Variants in TAF1 observed in about 807,000 individuals in gnomAD.
The protein encoded by TAF1 is transcription initiation factor TFIID subunit 1.
Under a neutral mutation model 138.5 loss-of-function variants are expected in TAF1, and 2 were observed. That is an observed-to-expected ratio of 0.01 (90% confidence interval 0.01 to 0.05). The LOEUF (loss-of-function observed/expected upper bound fraction) is 0.05, where lower values mean the gene tolerates loss of function less well. Ranked by LOEUF, TAF1 falls within the 10% of genes least tolerant of loss-of-function variation. TAF1 has a pLI of 1.00. For missense variants in TAF1, 709 were observed against 1,478.0 expected, an observed-to-expected ratio of 0.48 and a Z score of 8.53; for synonymous variants, 437 against 503.2, an observed-to-expected ratio of 0.87 and a Z score of 1.76.
chrX:71,490,731 CTTTTT>C (rs756329313), intron 13 of TAF1, among the ~76,000 whole-genome samples: 1 of 95,807 alleles, frequency 1.0e-5, no homozygotes. Flanking sequence ...TTCATTTTCT[CTTTTT>C]TTTTTTTTTT....
chrX:71,508,509 G>A (rs1349531114), intron 13 of TAF1, among the ~76,000 whole-genome samples: 1 of 105,773 alleles, frequency 9.5e-6, no homozygotes, highest in African/African-American at 3.5e-5. Context: ...GGAAGTTGAG[G>A]CAGGAGGATT....
intron 32 of TAF1, among the ~76,000 whole-genome samples, chrX:71,427,980 CT>C (rs374297969): frequency 7.5e-5 from 7 of 92,950 alleles, no homozygotes; most frequent in Non-Finnish European, 6.4e-5. Context: ...GAAAGAGATA[CT>C]TTTTTTTTTA....
intron 13 of TAF1, among the ~76,000 whole-genome samples, chrX:71,525,990 A>G (rs964623631): frequency 5.4e-5 from 6 of 111,289 alleles, no homozygotes; most frequent in Admixed American, 9.6e-5. Context: ...TTTAAATGGC[A>G]GTATATATGG....
rs189657918 is a variant in TAF1 at position 71,494,259 on chromosome X, C to T, written c.1366+33456C>T. On this transcript the variant is annotated intron_variant and NMD_transcript_variant, in intron 13 of 14. Transcript: ENST00000373775. ...CAAACATGGTGAAACCCCATCTCTA[C>T]TAAAATACAAAAAATTAGCCGGGCG... 2.4e-4 allele frequency among the ~76,000 whole-genome samples: 26 copies of T among 110,334 alleles called. No homozygotes were observed. The East Asian group carries it at 6.8e-3, about 29-fold the overall frequency.
At chrX:71,379,260 C>T (rs1197178033) in intron 8 of TAF1, among the ~76,000 whole-genome samples, 3 of 108,572 alleles carry the variant, frequency 2.8e-5, no homozygotes, top group South Asian at 4.1e-4. Flanking sequence ...GGATTACAGG[C>T]GTGCACCACG....
downstream of TAF1, among the ~76,000 whole-genome samples, chrX:71,469,769 T>C (rs2038847267): frequency 9.0e-6 from 1 of 111,236 alleles, no homozygotes; most frequent in Non-Finnish European, 1.9e-5. Context: ...TGGAGTGATC[T>C]TGGCTCACCG....
At chrX:71,423,934 A>G in intron 30 of TAF1, 40 bp from the exon 31 acceptor site, 1 of 1,054,980 alleles carries the variant, frequency 9.5e-7, no homozygotes, top group Non-Finnish European at 1.3e-6. Context: ...TCGTATGAAG[A>G]GTGGTTTCCA....
intron 22 of TAF1, among the ~76,000 whole-genome samples, chrX:71,396,295 CTTT>C (rs368521405): frequency 1.1e-5 from 1 of 93,371 alleles, no homozygotes. Context: ...TGCTTGGGTA[CTTT>C]TTTTTTTTTT....
At chrX:71,482,937 G>A (rs1419877983) in intron 13 of TAF1, among the ~76,000 whole-genome samples, 3 of 110,830 alleles carry the variant, frequency 2.7e-5, no homozygotes, top group Non-Finnish European at 5.7e-5. Flanking sequence ...TTTCCATATT[G>A]CTCATAGCAT....
At chrX:71,479,711 T>G (rs1180833736) in intron 13 of TAF1, among the ~76,000 whole-genome samples, 1 of 111,940 alleles carries the variant, frequency 8.9e-6, no homozygotes, top group Non-Finnish European at 1.9e-5. Context: ...GTAAGCTGAT[T>G]GGTGGGCACT....
intron 13 of TAF1, among the ~76,000 whole-genome samples, chrX:71,490,801 C>T (rs2039260896): frequency 9.4e-6 from 1 of 106,757 alleles, no homozygotes; most frequent in Non-Finnish European, 1.9e-5. Flanking sequence ...GATCTCAGTT[C>T]ACTGCAACCT....
chrX:71,483,766 C>CTATA (rs2039117379), intron 13 of TAF1, among the ~76,000 whole-genome samples: 1 of 76,891 alleles, frequency 1.3e-5, no homozygotes, highest in African/African-American at 5.3e-5. Flanking sequence ...CTCTCTCTCT[C>CTATA]TCTCTCTCTC....
intron 35 of TAF1, chrX:71,459,125 T>A (rs375049071): frequency 1.3e-5 from 13 of 1,016,948 alleles, no homozygotes; most frequent in African/African-American, 1.9e-5. Context: ...CCCTCAATGA[T>A]GTGCTATTTG....
rs745332638 is a variant in TAF1, at chrX:71,478,522, TCAAACAAA to T, written c.1366+17740_1366+17747del. Among the ~76,000 whole-genome samples, 344 of 109,782 alleles carry T rather than the reference TCAAACAAA, an allele frequency of 3.1e-3. 1 individual carries two copies. Among genetic ancestry groups the T allele is most frequent in the African/African-American group, 1.0e-2 (301 of 30,222 alleles). The stretch of plus-strand genomic sequence containing the variant: ...CTAGGTGATAGAGCAAGACCTTGTC[TCAAACAAA>T]CAAACAAACAAACAAACAAAAACAA... On this transcript the variant is annotated intron_variant and NMD_transcript_variant, in intron 13 of 14. Transcript: ENST00000373775.
At chrX:71,368,291 T>G in intron 3 of TAF1, 121 bp downstream of exon 3, 1 of 685,467 alleles carries the variant, frequency 1.5e-6, no homozygotes, top group Non-Finnish European at 2.2e-6. Context: ...GCCTTTGCTT[T>G]GGCTCCTCCA....
intron 13 of TAF1, among the ~76,000 whole-genome samples, chrX:71,502,278 T>C (rs1459258336): frequency 9.0e-6 from 1 of 111,541 alleles, no homozygotes; most frequent in Non-Finnish European, 1.9e-5. Flanking sequence ...TACAATCCTT[T>C]AGCTAGACAC....
intron 34 of TAF1, among the ~76,000 whole-genome samples, chrX:71,457,177 C>G (rs1362975435): frequency 8.9e-6 from 1 of 111,929 alleles, no homozygotes; most frequent in East Asian, 2.8e-4. Context: ...GCCTCTGTTT[C>G]TCCAAAACCC....
In TAF1 at chrX:71,464,630, C is replaced by T. The variant is rs925360419; in HGVS notation, c.*584C>T. 5 of 157,047 alleles carry T rather than the reference C, an allele frequency of 3.2e-5. No homozygotes were observed. The highest frequency in any genetic ancestry group is 3.3e-4 in the South Asian group (1 of 3,076). The allele number at this position is 157,047 out of a possible 1,213,427, so 12.9% of individuals were successfully genotyped here. On this transcript the variant is annotated 3_prime_UTR_variant, in exon 38 of 38. Coordinates refer to ENST00000423759, the MANE Select transcript of TAF1 (RefSeq NM_004606.5). ...CTGAGGCAGGAGAATTACTTGAACC[C>T]GGGAGGCAGAGGTTGCAGTGAGTGG... is the stretch of plus-strand genomic sequence containing the variant.
At chrX:71,466,892 T>C (rs781631458), downstream of TAF1, among the ~76,000 whole-genome samples, 6 of 111,363 alleles carry the variant, frequency 5.4e-5, no homozygotes, top group Non-Finnish European at 9.4e-5. Flanking sequence ...GAGAGGTAGA[T>C]ATGTAAATAA....
Sources: allele counts gnomAD v4.1 joint callset (sites outside exome capture counted in the v4.1 genomes callset), GRCh38; gene constraint gnomAD v4.1.1; transcripts MANE v1.5; gene names NCBI Gene and HGNC (gene_info 2026-07-23, HGNC 2026-07-21).